CFAP61: variants seen among roughly 807,000 people sequenced by gnomAD.
CFAP61 encodes the protein cilia- and flagella-associated protein 61.
In CFAP61, 107 loss-of-function variants were observed where a neutral mutation model predicts 135.6. The observed-to-expected ratio is 0.79, with a 90% CI of 0.67 to 0.93. The LOEUF (loss-of-function observed/expected upper bound fraction) is 0.93. CFAP61 is among the 40% of genes least tolerant of loss of function. The pLI is 0.00. For synonymous variants in CFAP61, 575 were observed against 578.5 expected, an observed-to-expected ratio of 0.99 and a Z score of 0.09; for missense variants, 1,507 against 1,556.2, an observed-to-expected ratio of 0.97 and a Z score of 0.53.
intron 17 of CFAP61, chr20:20,226,264 T>C (rs1245581813): frequency 3.3e-5 from 5 of 152,206 alleles, no homozygotes; most frequent in African/African-American, 1.2e-4. Flanking sequence ...TTTAAAAGTA[T>C]TCCTATTTTC....
chr20:20,068,067 G>A (rs764786025), intron 2 of CFAP61, among the ~76,000 whole-genome samples: 2 of 152,078 alleles, frequency 1.3e-5, no homozygotes, highest in Non-Finnish European at 2.9e-5. Flanking sequence ...ATAGTATTGT[G>A]CTAATTGTAC....
At position 20,141,882 on chromosome 20, in the gene CFAP61, G is replaced by A. The variant is rs76474875; in HGVS notation, c.860-975G>A. 3.9e-4 allele frequency among the ~76,000 whole-genome samples: 60 copies of A among 152,296 alleles called. No homozygotes were observed. The East Asian group carries it at 0.01, about 26-fold the overall frequency. The stretch of plus-strand genomic sequence containing the variant: ...CTCACGGAGACAGCAGCAGTCTCTG[G>A]AGCCTTCAGCAGGCCCAGGGTCCCT... On this transcript the variant is annotated intron_variant, in intron 8 of 26. Transcript: ENST00000245957.
chr20:20,116,344 G>A (rs1381351594), intron 8 of CFAP61, among the ~76,000 whole-genome samples: 1 of 152,042 alleles, frequency 6.6e-6, no homozygotes, highest in African/African-American at 2.4e-5. Context: ...TTGTCAGATG[G>A]GTAGTTAGCA....
rs190159589 is a variant in CFAP61 at position 20,232,396 on chromosome 20, G to A, written c.2060+4020G>A. On this transcript the variant is annotated intron_variant, in intron 18 of 26. Transcript: ENST00000245957. ...ATAGCAAAATAGAAAAAAAAAAGAA[G>A]AAGAAGAAGAAGAGAAGGAGCCGGA... is the stretch of plus-strand genomic sequence containing the variant. 1.7e-3 allele frequency among the ~76,000 whole-genome samples: 251 copies of A among 151,650 alleles called. 2 individuals are homozygous for A. Among genetic ancestry groups the A allele is most frequent in the Non-Finnish European group, 4.6e-4 (31 of 67,928 alleles).
intron 24 of CFAP61, among the ~76,000 whole-genome samples, chr20:20,294,308 T>A (rs2055228751): frequency 6.6e-6 from 1 of 152,156 alleles, no homozygotes; most frequent in Admixed American, 6.5e-5. Flanking sequence ...TGAATAGGAG[T>A]GGCCTGCACT....
chr20:20,349,350 G>A (rs2058750823), intron 26 of CFAP61, among the ~76,000 whole-genome samples: 1 of 152,166 alleles, frequency 6.6e-6, no homozygotes, highest in African/African-American at 2.4e-5. Context: ...GGTGAAGGGG[G>A]AGACAGTGTA....
At position 20,199,992 on chromosome 20, in the gene CFAP61, G is replaced by A. The variant is rs1399783114; in HGVS notation, c.1932+90G>A. On this transcript the variant is annotated intron_variant, in intron 17 of 26. Transcript: ENST00000245957. ...GGCAGTGCTGTCTTCACAGGAGCAG[G>A]CTGCTTCTTAATTACAGGGAACCTG... 1.1e-5 allele frequency: 16 copies of A among 1,450,860 alleles called. No homozygotes were observed. In the South Asian group the frequency reaches 1.5e-4, roughly 14 times the overall value. 89.9% of individuals were successfully genotyped at this position (1,450,860 alleles called of 1,614,324 possible). A position where few individuals can be genotyped will look rare whatever the true frequency, so the allele number is the denominator to read the frequency against.
At position 20,205,084 on chromosome 20, in the gene CFAP61, T is replaced by C. The variant is rs2056800022; in HGVS notation, c.1932+5182T>C. 3.9e-5 allele frequency among the ~76,000 whole-genome samples: 6 copies of C among 152,210 alleles called. No homozygotes were observed. In the South Asian group the frequency reaches 1.2e-3, roughly 32 times the overall value. On this transcript the variant is annotated intron_variant, in intron 17 of 26. Transcript: ENST00000245957. ...GTTTAATATAATATGTTATATATTA[T>C]ATAAGTGTCTATTATATGAATAGTA... is the stretch of plus-strand genomic sequence containing the variant.
In CFAP61 at chr20:20,233,987, G is replaced by A. The variant is rs149758617; in HGVS notation, c.2060+5611G>A. Among the ~76,000 whole-genome samples, 138 of 152,190 alleles carry A rather than the reference G, an allele frequency of 9.1e-4. 1 individual carries two copies. Among genetic ancestry groups the A allele is most frequent in the African/African-American group, 3.2e-3 (132 of 41,526 alleles). ...CACACAAAGCACAAACCATGTACCC[G>A]GATCTGAGTCGTACACCCGCCTCCT... On this transcript the variant is annotated intron_variant, in intron 18 of 26. Transcript: ENST00000245957.
intron 21 of CFAP61, among the ~76,000 whole-genome samples, chr20:20,269,224 T>C (rs921172244): frequency 2.8e-5 from 4 of 143,472 alleles, no homozygotes; most frequent in Non-Finnish European, 6.1e-5. Flanking sequence ...CATATATACA[T>C]ATATGTATAT....
intron 17 of CFAP61, chr20:20,215,395 A>C (rs902089184): frequency 6.6e-6 from 1 of 152,204 alleles, no homozygotes. Context: ...CCTCTAATCT[A>C]TCTGTATTTT....
At chr20:20,299,743 G>A (rs780670421) in intron 25 of CFAP61, among the ~76,000 whole-genome samples, 1 of 152,204 alleles carries the variant, frequency 6.6e-6, no homozygotes, top group East Asian at 1.9e-4. Flanking sequence ...TCTCCCTGCT[G>A]TGTGGTATTC....
At chr20:20,250,015 C>T (rs6081938) in intron 19 of CFAP61, among the ~76,000 whole-genome samples, 3 of 152,102 alleles carry the variant, frequency 2.0e-5, no homozygotes, top group Non-Finnish European at 4.4e-5. Context: ...TAGGCCAGTC[C>T]CCGATTTTCT....
intron 25 of CFAP61, among the ~76,000 whole-genome samples, chr20:20,311,828 A>G (rs987953526): frequency 1.3e-5 from 2 of 152,192 alleles, no homozygotes; most frequent in African/African-American, 4.8e-5. Flanking sequence ...AAAGCATGAC[A>G]GTGTCTAATA....
At chr20:20,122,658 T>C (rs981827869) in intron 8 of CFAP61, among the ~76,000 whole-genome samples, 2 of 152,202 alleles carry the variant, frequency 1.3e-5, no homozygotes, top group African/African-American at 4.8e-5. Flanking sequence ...CTTTTTCCAC[T>C]CGTTGATTGA....
chr20:20,276,862 TG>T (rs2053805309), intron 21 of CFAP61, among the ~76,000 whole-genome samples: 1 of 152,214 alleles, frequency 6.6e-6, no homozygotes, highest in South Asian at 2.1e-4. Flanking sequence ...TATAGCAAAT[TG>T]GGAACAAAAG....
chr20:20,321,320 C>T (rs138768646), intron 25 of CFAP61, among the ~76,000 whole-genome samples: 266 of 152,260 alleles, frequency 1.7e-3, no homozygotes, highest in African/African-American at 6.0e-3. Context: ...CTAGCAATGA[C>T]ACAACATGGG....
At chr20:20,139,487 A>C (rs1355659268) in intron 8 of CFAP61, among the ~76,000 whole-genome samples, 1 of 152,248 alleles carries the variant, frequency 6.6e-6, no homozygotes, top group African/African-American at 2.4e-5. Flanking sequence ...AATAACAATT[A>C]AATCGCGCAG....
intron 21 of CFAP61, among the ~76,000 whole-genome samples, chr20:20,268,719 A>C (rs1035313219): frequency 6.6e-6 from 1 of 152,234 alleles, no homozygotes; most frequent in African/African-American, 2.4e-5. Context: ...GGTTTCTGAT[A>C]GAACCCAGCA....
Sources: gnomAD v4.1 joint callset for allele counts (sites outside exome capture counted in the v4.1 genomes callset) on GRCh38, gnomAD v4.1.1 for gene constraint, MANE v1.5 for transcripts, NCBI Gene and HGNC (gene_info 2026-07-23, HGNC 2026-07-21) for gene names.